Variants in PPM1D observed in about 807,000 individuals in gnomAD.
The protein encoded by PPM1D is protein phosphatase, Mg2+/Mn2+ dependent 1D.
A neutral mutation model predicts 58.3 loss-of-function variants in PPM1D; 52 were observed. That is an observed-to-expected ratio of 0.89 (90% CI 0.71 to 1.12). The LOEUF (loss-of-function observed/expected upper bound fraction) is 1.12. Among genes scored for constraint, PPM1D ranks in the 50% most tolerant of loss-of-function variants. PPM1D has a pLI of 0.00. For missense variants in PPM1D, 564 were observed against 777.2 expected (o/e 0.73, Z 3.26); for synonymous variants, 278 against 285.1 (o/e 0.98, Z 0.25).
intron 1 of PPM1D, among the ~76,000 whole-genome samples, chr17:60,615,985 C>T (rs2030575295): frequency 6.6e-6 from 1 of 152,008 alleles, no homozygotes; most frequent in South Asian, 2.1e-4. Flanking sequence ...GTGACTGCAC[C>T]CAGCTATGTA....
chr17:60,640,882 T>A (rs2031120649), intron 3 of PPM1D, among the ~76,000 whole-genome samples: 1 of 152,168 alleles, frequency 6.6e-6, no homozygotes, highest in Non-Finnish European at 1.5e-5. Flanking sequence ...TTAATTTACT[T>A]AGGATAATGG....
intron 3 of PPM1D, among the ~76,000 whole-genome samples, chr17:60,636,967 ATTTTTTT>A (rs5821296): frequency 7.4e-6 from 1 of 135,300 alleles, no homozygotes; most frequent in South Asian, 2.3e-4. Context: ...CCTACTCATG[ATTTTTTT>A]TTTTTTTTTT....
chr17:60,646,554 T>G lies in PPM1D; in HGVS notation c.827-1338T>G, dbSNP rs74684154. ...AGAGGCAGAAATTAATGTTTTCTCC[T>G]TTCTGTCTCCTCTTCCACATTTATT... On this transcript the variant is annotated intron_variant, in intron 3 of 5. Coordinates refer to ENST00000305921, the MANE Select transcript of PPM1D (RefSeq NM_003620.4). Among the ~76,000 whole-genome samples, 10 of 152,374 alleles carry G rather than the reference T, an allele frequency of 6.6e-5. No individual in the cohort carries two copies. The East Asian group carries it at 1.7e-3, about 26-fold the overall frequency.
intron 5 of PPM1D, among the ~76,000 whole-genome samples, chr17:60,658,043 A>G (rs570929476): frequency 6.6e-6 from 1 of 152,240 alleles, no homozygotes; most frequent in Non-Finnish European, 1.5e-5. Flanking sequence ...AAGTATTTTC[A>G]TTCACAAAAG....
chr17:60,622,264 T>C (rs7218424), intron 1 of PPM1D, among the ~76,000 whole-genome samples: 7,197 of 152,162 alleles, frequency 0.047, 600 homozygotes, highest in African/African-American at 0.16. Context: ...GGATTACAAG[T>C]CTGCATTTTT....
rs2031614166 is a variant in PPM1D at position 60,666,208 on chromosome 17, T to A, written c.*2656T>A. ...CAATGTTATTTTCATCTTCCAGACA[T>A]CTGGAAGATTGCTCTAGTGGAGTAA... On this transcript the variant is annotated 3_prime_UTR_variant, in exon 6 of 6. Transcript: ENST00000305921. The A allele has an allele frequency of 6.6e-6, 1 of 152,188 alleles. No individual in the cohort carries two copies. The highest frequency in any genetic ancestry group is 1.5e-5 in the Non-Finnish European group (1 of 68,030). 9.4% of individuals were successfully genotyped at this position (152,188 alleles called of 1,614,324 possible).
chr17:60,614,196 G>T (rs957330197), intron 1 of PPM1D, among the ~76,000 whole-genome samples: 2 of 152,090 alleles, frequency 1.3e-5, no homozygotes, highest in African/African-American at 4.8e-5. Flanking sequence ...TTGTAAACAC[G>T]CCAGTCAGCA....
At chr17:60,616,863 GTTT>G (rs2030595476) in intron 1 of PPM1D, among the ~76,000 whole-genome samples, 2 of 152,234 alleles carry the variant, frequency 1.3e-5, no homozygotes, top group African/African-American at 4.8e-5. Context: ...TTTTTAGCTC[GTTT>G]TTTCACTTGC....
At chr17:60,613,135 A>G (rs1222174347) in intron 1 of PPM1D, among the ~76,000 whole-genome samples, 2 of 152,132 alleles carry the variant, frequency 1.3e-5, no homozygotes, top group Non-Finnish European at 2.9e-5. Flanking sequence ...ATTGTGTACT[A>G]TGTAATACTA....
intron 1 of PPM1D, 39 bp from the exon 2 acceptor site, chr17:60,623,482 T>A: frequency 6.4e-7 from 1 of 1,566,396 alleles, no homozygotes; most frequent in Non-Finnish European, 8.7e-7. Context: ...TATTAATGTT[T>A]ATACTTGCAA....
chr17:60,601,338 G>A (rs2030207008), intron 1 of PPM1D, among the ~76,000 whole-genome samples: 1 of 152,208 alleles, frequency 6.6e-6, no homozygotes, highest in Admixed American at 6.5e-5. Context: ...TACCGGTGGT[G>A]TCAGTTCTCC....
intron 5 of PPM1D, among the ~76,000 whole-genome samples, chr17:60,660,673 A>G (rs1253655848): frequency 1.3e-5 from 2 of 151,806 alleles, no homozygotes; most frequent in African/African-American, 4.8e-5. Context: ...AGGTGGGAGA[A>G]TCGCTTGAAC....
intron 3 of PPM1D, among the ~76,000 whole-genome samples, chr17:60,639,064 G>A (rs1270146214): frequency 2.6e-5 from 4 of 152,078 alleles, no homozygotes; most frequent in African/African-American, 9.7e-5. Context: ...GGAGCTTGCA[G>A]TCTAGGAAAG....
chr17:60,633,112 C>T (rs986904150), intron 2 of PPM1D, among the ~76,000 whole-genome samples: 7 of 151,984 alleles, frequency 4.6e-5, no homozygotes, highest in Admixed American at 4.6e-4. Flanking sequence ...ATGCTGAAAC[C>T]CCATCTCTGC....
chr17:60,627,829 G>A (rs979655875), intron 2 of PPM1D, among the ~76,000 whole-genome samples: 2 of 151,900 alleles, frequency 1.3e-5, no homozygotes, highest in African/African-American at 4.8e-5. Flanking sequence ...AATGAACTTT[G>A]CATATTCTTA....
intron 1 of PPM1D, among the ~76,000 whole-genome samples, chr17:60,608,199 A>G (rs2030373460): frequency 6.6e-6 from 1 of 152,218 alleles, no homozygotes; most frequent in African/African-American, 2.4e-5. Context: ...CTTATTAGGT[A>G]GTCTCTCCAG....
At chr17:60,634,391 CA>C (rs779678723) in intron 3 of PPM1D, among the ~76,000 whole-genome samples, 40 of 152,086 alleles carry the variant, frequency 2.6e-4, no homozygotes, top group Non-Finnish European at 4.7e-4. Flanking sequence ...GGCGACAGAG[CA>C]AGACTCTAAA....
chr17:60,625,095 T>C (rs2030779896), intron 2 of PPM1D, among the ~76,000 whole-genome samples: 1 of 152,034 alleles, frequency 6.6e-6, no homozygotes, highest in Non-Finnish European at 1.5e-5. Flanking sequence ...TGAGCTGAGA[T>C]TGCGCCACTG....
chr17:60,644,723 A>G (rs775663207), intron 3 of PPM1D, among the ~76,000 whole-genome samples: 1 of 152,240 alleles, frequency 6.6e-6, no homozygotes, highest in Non-Finnish European at 1.5e-5. Context: ...ATAATCTTCA[A>G]AAGAACTACT....
Sources: allele counts gnomAD v4.1 joint callset (sites outside exome capture counted in the v4.1 genomes callset), GRCh38; gene constraint gnomAD v4.1.1; transcripts MANE v1.5; gene names NCBI Gene and HGNC (gene_info 2026-07-23, HGNC 2026-07-21).